The following TLL1 variants were observed in gnomAD, a reference collection of about 807,000 sequenced individuals.
The protein encoded by TLL1 is tolloid like 1.
Under a neutral mutation model 128.2 loss-of-function variants are expected in TLL1, and 49 were observed. The ratio of observed to expected loss-of-function variants is 0.38; its 90% CI spans 0.30 to 0.48. The LOEUF (loss-of-function observed/expected upper bound fraction) is 0.48, where lower values mean the gene tolerates loss of function less well. Among genes scored for constraint, TLL1 ranks in the 20% least tolerant of loss-of-function variants. The pLI is 0.96. For missense variants in TLL1, 1,123 were observed against 1,242.0 expected, an observed-to-expected ratio of 0.90 and a Z score of 1.44; for synonymous variants, 454 against 418.8, an observed-to-expected ratio of 1.08 and a Z score of -1.03.
chr4:165,938,557 TTTTATC>T (rs1206452402), intron 1 of TLL1, among the ~76,000 whole-genome samples: 2 of 152,138 alleles, frequency 1.3e-5, no homozygotes, highest in Non-Finnish European at 2.9e-5. Flanking sequence ...TTCTAATTAT[TTTTATC>T]TTTATTTGTC....
intron 8 of TLL1, among the ~76,000 whole-genome samples, chr4:166,022,950 A>C (rs1410132226): frequency 6.6e-6 from 1 of 152,188 alleles, no homozygotes; most frequent in Non-Finnish European, 1.5e-5. Flanking sequence ...ATATTATTGC[A>C]GAAGTAGTTG....
At chr4:165,987,710 C>A (rs917693610) in intron 1 of TLL1, among the ~76,000 whole-genome samples, 2 of 151,846 alleles carry the variant, frequency 1.3e-5, no homozygotes, top group African/African-American at 4.8e-5. Flanking sequence ...TAAATCTAAC[C>A]CCTTCCTTCT....
At chr4:166,034,522 T>TAATA (rs1738909990) in intron 9 of TLL1, among the ~76,000 whole-genome samples, 1 of 152,168 alleles carries the variant, frequency 6.6e-6, no homozygotes, top group Non-Finnish European at 1.5e-5. Flanking sequence ...CAAACTCTAT[T>TAATA]GAGATTACTA....
intron 18 of TLL1, among the ~76,000 whole-genome samples, chr4:166,084,005 C>T (rs1027254402): frequency 3.3e-5 from 5 of 152,098 alleles, no homozygotes; most frequent in Admixed American, 6.5e-5. Context: ...TTCCCAACAA[C>T]AGTATGCAAG....
chr4:166,030,142 C>T (rs1346877610), intron 9 of TLL1, among the ~76,000 whole-genome samples: 1 of 152,138 alleles, frequency 6.6e-6, no homozygotes, highest in African/African-American at 2.4e-5. Flanking sequence ...TGTCCATCCT[C>T]ACCAACACTT....
chr4:165,920,207 C>T (rs1732983215), intron 1 of TLL1, among the ~76,000 whole-genome samples: 2 of 152,062 alleles, frequency 1.3e-5, no homozygotes, highest in African/African-American at 2.4e-5. Context: ...TTGCTTTGCA[C>T]GTTGGCATCA....
At chr4:165,947,227 C>T (rs1030535696) in intron 1 of TLL1, among the ~76,000 whole-genome samples, 1 of 151,964 alleles carries the variant, frequency 6.6e-6, no homozygotes, top group African/African-American at 2.4e-5. Context: ...ACAGGGTGCT[C>T]CCGGATGTTT....
At chr4:165,975,290 A>G (rs896370984) in intron 1 of TLL1, among the ~76,000 whole-genome samples, 7 of 151,968 alleles carry the variant, frequency 4.6e-5, no homozygotes, top group Non-Finnish European at 1.0e-4. Context: ...CCTCTAAAAA[A>G]CACCATGGAA....
chr4:165,968,735 C>T (rs931195377), intron 1 of TLL1, among the ~76,000 whole-genome samples: 6 of 152,066 alleles, frequency 3.9e-5, no homozygotes, highest in Admixed American at 3.3e-4. Context: ...ATGTTTTCTA[C>T]CAAAATGTCG....
intron 1 of TLL1, among the ~76,000 whole-genome samples, chr4:165,904,613 T>G (rs950683918): frequency 3.9e-5 from 6 of 152,258 alleles, no homozygotes; most frequent in African/African-American, 1.2e-4. Context: ...TAGATTTATC[T>G]ATCAGCTAAT....
At chr4:165,989,175 G>A (rs1736521957) in intron 1 of TLL1, among the ~76,000 whole-genome samples, 1 of 151,842 alleles carries the variant, frequency 6.6e-6, no homozygotes, top group Admixed American at 6.6e-5. Flanking sequence ...AAGCAACAAT[G>A]TAAAAAAATG....
chr4:165,910,790 T>C (rs1732494169), intron 1 of TLL1, among the ~76,000 whole-genome samples: 3 of 152,160 alleles, frequency 2.0e-5, no homozygotes, highest in Admixed American at 2.0e-4. Flanking sequence ...CATTATCCAA[T>C]TTTACACATG....
At chr4:165,909,519 G>A (rs1409836107) in intron 1 of TLL1, among the ~76,000 whole-genome samples, 1 of 152,176 alleles carries the variant, frequency 6.6e-6, no homozygotes, top group African/African-American at 2.4e-5. Flanking sequence ...ACATTTCAGC[G>A]TTTTGAGTTC....
Position 166,099,540 on chromosome 4 carries a change from C to T in TLL1, c.2907+13C>T. 6.2e-7 allele frequency: 1 copy of T among 1,611,720 alleles called. No individual in the cohort carries two copies. ...CTGTGGATCCGGGGTAAATATACCA[C>T]CAACAGAATACCCTAGACATGATTA... is the stretch of plus-strand genomic sequence containing the variant. On this transcript the variant is annotated intron_variant, in intron 20 of 20. Transcript: ENST00000061240.
chr4:165,973,699 G>A (rs923873409), intron 1 of TLL1, among the ~76,000 whole-genome samples: 1 of 150,090 alleles, frequency 6.7e-6, no homozygotes, highest in Non-Finnish European at 1.5e-5. Context: ...GAGTCTTGCT[G>A]TGTTGCCCAA....
At chr4:165,913,429 A>G (rs996810261) in intron 1 of TLL1, among the ~76,000 whole-genome samples, 2 of 152,194 alleles carry the variant, frequency 1.3e-5, no homozygotes, top group South Asian at 4.1e-4. Context: ...GTTTAATTAG[A>G]AAGAACTCTT....
chr4:166,065,804 T>C lies in TLL1; in HGVS notation c.2129T>C (p.Ile710Thr), dbSNP rs763301088. ...VITSQFNNMR[I>T]EFKSDNTVSK... ...ACATCCCAGTTCAACAATATGAGAA[T>C]TGAATTCAAATCTGACAATACTGTA... Residue 710 changes from isoleucine (I) to threonine (T), a missense_variant, in exon 16 of 21, where the codon ATT (isoleucine) becomes ACT (threonine). By Grantham distance (89) the Ile-to-Thr change is moderately conservative. Around this residue, in one of 3 missense-constraint regions of TLL1, gnomAD observed 634 missense variants for 672.4 expected, o/e 0.94. Coordinates refer to ENST00000061240, the MANE Select transcript of TLL1 (RefSeq NM_012464.5). 1 of 1,613,032 alleles carries C rather than the reference T, an allele frequency of 6.2e-7. No individual in the cohort carries two copies. The highest frequency in any genetic ancestry group is 1.1e-5 in the South Asian group (1 of 91,068).
At chr4:165,924,406 T>C (rs965633829) in intron 1 of TLL1, among the ~76,000 whole-genome samples, 2 of 152,156 alleles carry the variant, frequency 1.3e-5, no homozygotes, top group African/African-American at 4.8e-5. Flanking sequence ...ATTTAAGTGG[T>C]CTGGATAGAT....
At chr4:165,949,517 G>GT (rs1258273507) in intron 1 of TLL1, among the ~76,000 whole-genome samples, 9 of 152,106 alleles carry the variant, frequency 5.9e-5, no homozygotes, top group Non-Finnish European at 8.8e-5. Context: ...TCATACAACT[G>GT]TATTAGTCCG....
Sources: allele counts gnomAD v4.1 joint callset (sites outside exome capture counted in the v4.1 genomes callset), GRCh38; gene constraint gnomAD v4.1.1; regional missense constraint gnomAD v4.1.1; transcripts MANE v1.5; gene names NCBI Gene and HGNC (gene_info 2026-07-23, HGNC 2026-07-21).